CRISPLD2: variants seen among roughly 807,000 people sequenced by gnomAD.
The protein encoded by CRISPLD2 is cysteine rich secretory protein LCCL domain containing 2.
CRISPLD2 carries 47 observed loss-of-function variants against 71.1 expected under a neutral mutation model. The ratio of observed to expected loss-of-function variants is 0.66; its 90% CI spans 0.52 to 0.84. CRISPLD2 has a LOEUF of 0.84. Among genes scored for constraint, CRISPLD2 ranks in the 40% least tolerant of loss-of-function variants. CRISPLD2 has a pLI of 0.00. For synonymous variants in CRISPLD2, 317 were observed against 250.1 expected, an observed-to-expected ratio of 1.27 and a Z score of -2.52; for missense variants, 830 against 651.1, an observed-to-expected ratio of 1.27 and a Z score of -2.99.
At chr16:84,905,221 C>T (rs1361609739) in intron 14 of CRISPLD2, among the ~76,000 whole-genome samples, 2 of 152,306 alleles carry the variant, frequency 1.3e-5, no homozygotes, top group South Asian at 4.1e-4. Flanking sequence ...AAGCCACGAT[C>T]ATGCCACTGC....
At chr16:84,833,533 A>G (rs2143157141) in intron 1 of CRISPLD2, among the ~76,000 whole-genome samples, 1 of 152,290 alleles carries the variant, frequency 6.6e-6, no homozygotes, top group Admixed American at 6.5e-5. Context: ...CATCAGGGGT[A>G]GAAGAGCAGA....
intron 1 of CRISPLD2, among the ~76,000 whole-genome samples, chr16:84,823,330 A>G (rs556730880): frequency 6.6e-6 from 1 of 152,298 alleles, no homozygotes; most frequent in Non-Finnish European, 1.5e-5. Context: ...TTTGTGTACA[A>G]GGTTTTTTGA....
chr16:84,875,999 G>T (rs1048720383), intron 11 of CRISPLD2, among the ~76,000 whole-genome samples: 1 of 152,190 alleles, frequency 6.6e-6, no homozygotes, highest in Non-Finnish European at 1.5e-5. Flanking sequence ...TCAAGTGACA[G>T]ACTGGACCAG....
At chr16:84,872,570 C>A in intron 9 of CRISPLD2, 62 bp downstream of exon 9, 1 of 1,415,456 alleles carries the variant, frequency 7.1e-7, no homozygotes, top group Non-Finnish European at 9.8e-7. Context: ...ATGTTTAAAG[C>A]AGGTGGTTGG....
At chr16:84,855,654 C>G (rs764976123) in intron 6 of CRISPLD2, among the ~76,000 whole-genome samples, 5 of 152,168 alleles carry the variant, frequency 3.3e-5, no homozygotes, top group Non-Finnish European at 5.9e-5. Context: ...TGCTTTGCAT[C>G]CTTCACTCCA....
intron 14 of CRISPLD2, among the ~76,000 whole-genome samples, chr16:84,897,762 AC>A (rs571468898): frequency 5.7e-4 from 86 of 152,172 alleles, no homozygotes; most frequent in African/African-American, 2.0e-3. Flanking sequence ...GATTACAGGC[AC>A]CCACTGCCAG....
chr16:84,889,487 C>A, intron 14 of CRISPLD2, 124 bp downstream of exon 14: 1 of 927,176 alleles, frequency 1.1e-6, no homozygotes, highest in Non-Finnish European at 1.5e-6. Flanking sequence ...TGCACGAATT[C>A]TTACCAGGAC....
chr16:84,863,957 CAAAA>C (rs781013604), intron 6 of CRISPLD2, among the ~76,000 whole-genome samples: 2 of 80,810 alleles, frequency 2.5e-5, no homozygotes, highest in Admixed American at 1.4e-4. Flanking sequence ...AACTTCCTCT[CAAAA>C]AAAAAAAAAA....
At chr16:84,855,727 C>T (rs1300113055) in intron 6 of CRISPLD2, among the ~76,000 whole-genome samples, 10 of 152,162 alleles carry the variant, frequency 6.6e-5, no homozygotes, top group African/African-American at 9.7e-5. Flanking sequence ...AACCCATACA[C>T]ATCTCCTGAG....
chr16:84,838,619 G>T lies in CRISPLD2; in HGVS notation c.124G>T (p.Glu42Ter). 6.2e-7 allele frequency: 1 copy of T among 1,614,238 alleles called. No individual in the cohort carries two copies. Among genetic ancestry groups the T allele is most frequent in the Non-Finnish European group, 8.5e-7 (1 of 1,180,040 alleles). The change falls in exon 2 of 15, where the codon GAG (glutamate) becomes TAG (stop). Residue 42 changes from glutamate to a stop codon, truncating the protein, a stop_gained. Transcript: ENST00000262424. LOFTEE classifies it high-confidence loss of function. Reference sequence around the variant, plus strand: ...GCTGCTCAGCAAATACCAGCACAACGAGTCTCACTCCCGGGTCCGCAGAGC... The same window carrying T: ...GCTGCTCAGCAAATACCAGCACAACTAGTCTCACTCCCGGGTCCGCAGAGC... Reference protein sequence around the residue: ...EELLSKYQHNESHSRVRRAIP... With the variant: ...EELLSKYQHN
intron 12 of CRISPLD2, among the ~76,000 whole-genome samples, chr16:84,877,885 T>C (rs552564210): frequency 6.7e-6 from 1 of 149,738 alleles, no homozygotes; most frequent in African/African-American, 2.5e-5. Context: ...TCAGCTTTAT[T>C]GAGGTAAATG....
At chr16:84,825,956 C>G (rs1397532563) in intron 1 of CRISPLD2, among the ~76,000 whole-genome samples, 1 of 140,008 alleles carries the variant, frequency 7.1e-6, no homozygotes, top group African/African-American at 2.6e-5. Flanking sequence ...GACCCTGTCT[C>G]AAAAAAAAAA....
chr16:84,862,005 G>T (rs1357503276), intron 6 of CRISPLD2, among the ~76,000 whole-genome samples: 1 of 152,284 alleles, frequency 6.6e-6, no homozygotes, highest in East Asian at 1.9e-4. Flanking sequence ...TCACTAGTGG[G>T]AAGTACCTGC....
intron 1 of CRISPLD2, among the ~76,000 whole-genome samples, chr16:84,828,444 T>C (rs947553402): frequency 3.3e-5 from 5 of 152,180 alleles, no homozygotes; most frequent in Non-Finnish European, 1.5e-5. Flanking sequence ...CTCCATGCAG[T>C]GGCGGCAGAA....
At chr16:84,893,137 G>A (rs983551438) in intron 14 of CRISPLD2, among the ~76,000 whole-genome samples, 3 of 151,988 alleles carry the variant, frequency 2.0e-5, no homozygotes, top group Non-Finnish European at 4.4e-5. Flanking sequence ...AGTATGTGGC[G>A]CCCGCTGCAC....
At chr16:84,878,280 C>A (rs1282744308) in intron 12 of CRISPLD2, among the ~76,000 whole-genome samples, 2 of 139,998 alleles carry the variant, frequency 1.4e-5, no homozygotes, top group Non-Finnish European at 2.9e-5. Flanking sequence ...GTCACAACCA[C>A]CACCCGTCAA....
At chr16:84,832,056 T>C (rs1916502426) in intron 1 of CRISPLD2, among the ~76,000 whole-genome samples, 2 of 152,274 alleles carry the variant, frequency 1.3e-5, no homozygotes, top group South Asian at 2.1e-4. Context: ...CATTGGATTT[T>C]GTTAAGGTAA....
intron 2 of CRISPLD2, 46 bp from the exon 3 acceptor site, chr16:84,845,740 C>A: frequency 1.5e-6 from 2 of 1,308,230 alleles, no homozygotes; most frequent in Admixed American, 1.7e-5. Context: ...TCTTATGCCC[C>A]TCCCTCACCC....
intron 6 of CRISPLD2, among the ~76,000 whole-genome samples, chr16:84,863,861 G>T (rs570925331): frequency 6.6e-6 from 1 of 151,446 alleles, no homozygotes; most frequent in African/African-American, 2.4e-5. Flanking sequence ...CCAGGCTGAG[G>T]TAGGAGAATC....
Sources: allele counts gnomAD v4.1 joint callset (sites outside exome capture counted in the v4.1 genomes callset), GRCh38; gene constraint gnomAD v4.1.1; transcripts MANE v1.5; gene names NCBI Gene and HGNC (gene_info 2026-07-23, HGNC 2026-07-21).